CSMD1: variants seen among roughly 807,000 people sequenced by gnomAD.
CSMD1 encodes CUB and Sushi multiple domains 1.
Under a neutral mutation model 417.5 loss-of-function variants are expected in CSMD1, and 213 were observed. The observed-to-expected ratio is 0.51, with a 90% CI of 0.46 to 0.57. The LOEUF is 0.57. Ranked by LOEUF, CSMD1 falls within the 20% of genes least tolerant of loss-of-function variation. CSMD1 has a pLI of 0.00. For missense variants in CSMD1, 6,923 were observed against 4,529.7 expected (o/e 1.53, Z -15.17); for synonymous variants, 2,862 against 1,736.8 (o/e 1.65, Z -16.11).
intron 3 of CSMD1, among the ~76,000 whole-genome samples, chr8:4,356,129 C>G (rs193020603): frequency 6.6e-6 from 1 of 152,126 alleles, no homozygotes; most frequent in East Asian, 1.9e-4. Flanking sequence ...CCTCAAGTTC[C>G]CAAAGTCCAT....
chr8:3,411,553 G>A (rs984121774), intron 12 of CSMD1, among the ~76,000 whole-genome samples: 33 of 151,488 alleles, frequency 2.2e-4, no homozygotes, highest in Non-Finnish European at 4.6e-4. Context: ...GTTTGGCTTT[G>A]CATTCCTGGG....
chr8:3,231,509 G>A (rs1397494523), intron 26 of CSMD1, among the ~76,000 whole-genome samples: 1 of 152,106 alleles, frequency 6.6e-6, no homozygotes, highest in Admixed American at 6.5e-5. Context: ...GCGTGTGTGT[G>A]CATATACATA....
chr8:4,367,399 TCA>T (rs1802140963), intron 3 of CSMD1, among the ~76,000 whole-genome samples: 1 of 152,160 alleles, frequency 6.6e-6, no homozygotes, highest in African/African-American at 2.4e-5. Flanking sequence ...GGGTCCTCTC[TCA>T]TTTTTCATTG....
At chr8:4,468,462 T>A (rs1800324102) in intron 2 of CSMD1, among the ~76,000 whole-genome samples, 1 of 152,218 alleles carries the variant, frequency 6.6e-6, no homozygotes. Context: ...ACCTTATGAT[T>A]TAAGCTCTTG....
intron 30 of CSMD1, among the ~76,000 whole-genome samples, chr8:3,207,535 T>C (rs539506576): frequency 1.3e-5 from 2 of 152,300 alleles, no homozygotes; most frequent in South Asian, 2.1e-4. Flanking sequence ...TAAATATTAA[T>C]TGATGGACAG....
intron 7 of CSMD1, among the ~76,000 whole-genome samples, chr8:3,665,619 T>C (rs974848732): frequency 6.6e-6 from 1 of 152,198 alleles, no homozygotes; most frequent in Non-Finnish European, 1.5e-5. Context: ...TCAGTAGGGT[T>C]CTAAATAATC....
intron 1 of CSMD1, among the ~76,000 whole-genome samples, chr8:4,908,647 G>A (rs1197107427): frequency 6.6e-6 from 1 of 151,046 alleles, no homozygotes; most frequent in Non-Finnish European, 1.5e-5. Context: ...GTCTAGCAAT[G>A]AGTCCACCAG....
intron 22 of CSMD1, among the ~76,000 whole-genome samples, chr8:3,345,879 C>T (rs1423235961): frequency 2.0e-5 from 3 of 152,130 alleles, no homozygotes; most frequent in Admixed American, 6.5e-5. Context: ...AAATTAATTG[C>T]GTTTTCCATT....
At chr8:4,415,534 A>C (rs1176463379) in intron 3 of CSMD1, among the ~76,000 whole-genome samples, 1 of 152,146 alleles carries the variant, frequency 6.6e-6, no homozygotes, top group African/African-American at 2.4e-5. Flanking sequence ...GCCCTGTTTT[A>C]TAAAGCCGGA....
chr8:4,445,623 C>G (rs1376929425), intron 2 of CSMD1, among the ~76,000 whole-genome samples: 8 of 152,110 alleles, frequency 5.3e-5, no homozygotes, highest in Admixed American at 5.2e-4. Context: ...TCGAACTGGG[C>G]CAGGCATGTG....
chr8:4,502,839 A>G (rs943500517), intron 2 of CSMD1, among the ~76,000 whole-genome samples: 1 of 152,152 alleles, frequency 6.6e-6, no homozygotes, highest in Non-Finnish European at 1.5e-5. Flanking sequence ...TGTGCTGCCC[A>G]TAGTAGGTAC....
chr8:3,758,061 T>G (rs1797764610), intron 5 of CSMD1, among the ~76,000 whole-genome samples: 1 of 152,092 alleles, frequency 6.6e-6, no homozygotes, highest in South Asian at 2.1e-4. Context: ...CCTCCCAGGT[T>G]CAAGTGATTC....
rs555074539 is a variant in CSMD1 at position 4,201,623 on chromosome 8, A to G, written c.416-169524T>C. Among the ~76,000 whole-genome samples, 13 of 149,968 alleles carry G rather than the reference A, an allele frequency of 8.7e-5. No homozygotes were observed. In the South Asian group the frequency reaches 1.9e-3, roughly 22 times the overall value. ...CTGTAGAAGAAAATTGAAATATAAA[A>G]TACAAATAAGCCTTTATTTACCCTT... On this transcript the variant is annotated intron_variant, in intron 3 of 69. Transcript: ENST00000635120.
intron 3 of CSMD1, among the ~76,000 whole-genome samples, chr8:4,274,256 A>G (rs908741084): frequency 2.6e-5 from 4 of 152,156 alleles, no homozygotes; most frequent in African/African-American, 7.2e-5. Flanking sequence ...TATTAACACT[A>G]TACTTCTTCT....
chr8:4,901,736 T>A (rs969583179), intron 1 of CSMD1, among the ~76,000 whole-genome samples: 4 of 152,206 alleles, frequency 2.6e-5, no homozygotes, highest in Admixed American at 6.5e-5. Context: ...CTGAATCATA[T>A]TAGCATAGAG....
intron 2 of CSMD1, among the ~76,000 whole-genome samples, chr8:4,548,119 G>C (rs1357636071): frequency 3.9e-5 from 6 of 152,016 alleles, no homozygotes; most frequent in Non-Finnish European, 8.8e-5. Flanking sequence ...TATTTGCTTT[G>C]ATGATGATAC....
chr8:3,471,981 C>A (rs576778921), intron 11 of CSMD1, among the ~76,000 whole-genome samples: 4 of 152,024 alleles, frequency 2.6e-5, no homozygotes, highest in Non-Finnish European at 5.9e-5. Context: ...GTGATGTCAG[C>A]ACCCTACTCA....
intron 1 of CSMD1, among the ~76,000 whole-genome samples, chr8:4,808,528 T>C (rs2117320823): frequency 6.6e-6 from 1 of 152,296 alleles, no homozygotes; most frequent in South Asian, 2.1e-4. Context: ...TCCCTTGTGG[T>C]AGAAAAAGGC....
In CSMD1 at chr8:3,586,254, A is replaced by G; in HGVS notation, c.1104T>C (p.Gly368=). 7 of 1,600,984 alleles carry G rather than the reference A, an allele frequency of 4.4e-6. No individual in the cohort carries two copies. The highest frequency in any genetic ancestry group is 6.0e-6 in the Non-Finnish European group (7 of 1,175,524). The change falls in exon 9 of 70, where the codon GGT becomes GGC. Residue 368 remains glycine (G), a synonymous_variant. Transcript: ENST00000635120. ...GRRAGSDFRV[G]ANVQFSCEDN... is the part of the protein sequence containing the mutation. Reference sequence around the variant, plus strand: ...CCTCACATGAAAACTGTACATTTGCACCAACCCTAAGCCGTTAAAAAAGAA... The same window carrying G: ...CCTCACATGAAAACTGTACATTTGCGCCAACCCTAAGCCGTTAAAAAAGAA...
Sources: gnomAD v4.1 joint callset for allele counts (sites outside exome capture counted in the v4.1 genomes callset) on GRCh38, gnomAD v4.1.1 for gene constraint, MANE v1.5 for transcripts, NCBI Gene and HGNC (gene_info 2026-07-23, HGNC 2026-07-21) for gene names.